Variants in TEAD4 observed in about 807,000 individuals in gnomAD.
TEAD4 encodes the protein transcriptional enhancer factor TEF-3.
In TEAD4, 36 loss-of-function variants were observed where a neutral mutation model predicts 52.4. The ratio of observed to expected loss-of-function variants is 0.69; its 90% confidence interval spans 0.53 to 0.91. TEAD4 has a LOEUF of 0.91. TEAD4 is among the 40% of genes least tolerant of loss of function. The pLI is 0.00. For missense variants in TEAD4, 508 were observed against 583.9 expected, an observed-to-expected ratio of 0.87 and a Z score of 1.34; for synonymous variants, 220 against 231.0, an observed-to-expected ratio of 0.95 and a Z score of 0.43.
chr12:3,012,045 C>G (rs2098260743), intron 4 of TEAD4, 125 bp from the exon 5 acceptor site: 1 of 844,528 alleles, frequency 1.2e-6, no homozygotes, highest in Admixed American at 2.6e-5. Flanking sequence ...TTGACCCTTT[C>G]ATTCATTCAT....
chr12:2,964,123 G>T (rs529106118), intron 2 of TEAD4, among the ~76,000 whole-genome samples: 1 of 152,304 alleles, frequency 6.6e-6, no homozygotes, highest in South Asian at 2.1e-4. Context: ...TCCAAAGGGG[G>T]CCGTTGACTC....
intron 10 of TEAD4, among the ~76,000 whole-genome samples, chr12:3,034,062 C>G (rs544555480): frequency 4.0e-5 from 6 of 151,490 alleles, no homozygotes; most frequent in African/African-American, 1.2e-4. Flanking sequence ...ACCCATTGCT[C>G]AACCCTAGCA....
At chr12:3,029,428 C>T (rs547321933) in intron 10 of TEAD4, among the ~76,000 whole-genome samples, 162 of 152,044 alleles carry the variant, frequency 1.1e-3, no homozygotes, top group Non-Finnish European at 1.6e-4. Context: ...TTAGTAGAGA[C>T]GGGGTTTCAC....
intron 3 of TEAD4, among the ~76,000 whole-genome samples, chr12:3,007,109 C>G (rs578172921): frequency 6.6e-6 from 1 of 152,336 alleles, no homozygotes; most frequent in East Asian, 1.9e-4. Context: ...AGCCTCTCGC[C>G]GGGGGCTGAG....
In TEAD4 at chr12:3,022,005, T is replaced by C; in HGVS notation, c.885T>C (p.Leu295=). 6.2e-7 allele frequency: 1 copy of C among 1,614,132 alleles called. No homozygotes were observed. Among genetic ancestry groups the C allele is most frequent in the Non-Finnish European group, 8.5e-7 (1 of 1,179,984 alleles). Reference sequence around the variant, plus strand: ...GGGGACCCTCCAATGCCTTTTTTCTTGTGAAGTTCTGGGTAAGCCTGTGAT... The same window carrying C: ...GGGGACCCTCCAATGCCTTTTTTCTCGTGAAGTTCTGGGTAAGCCTGTGAT... The change falls in exon 10 of 13, where the codon CTT becomes CTC. Residue 295 remains leucine (L), a synonymous_variant. Transcript: ENST00000359864.
In TEAD4 at chr12:3,040,409, C is replaced by T. The variant is rs1370401149; in HGVS notation, c.1236C>T (p.Ala412=). ...CACAGGAGACCTTGCTGTGCATTGC[C>T]TATGTCTTTGAGGTGTCAGCCAGTG... Residue 412 remains alanine (A), a synonymous_variant, in exon 13 of 13, where the codon GCC becomes GCT. Transcript: ENST00000359864. 1.2e-6 allele frequency: 2 copies of T among 1,614,198 alleles called. No individual in the cohort carries two copies. The highest frequency in any genetic ancestry group is 2.2e-5 in the South Asian group (2 of 91,084).
chr12:2,969,373 G>A (rs921009925), intron 2 of TEAD4, among the ~76,000 whole-genome samples: 14 of 152,200 alleles, frequency 9.2e-5, no homozygotes, highest in Admixed American at 2.6e-4. Context: ...TTATATGAGG[G>A]ACTTGAGCAT....
At chr12:3,035,995 A>G (rs993184863) in intron 10 of TEAD4, among the ~76,000 whole-genome samples, 3 of 152,064 alleles carry the variant, frequency 2.0e-5, no homozygotes, top group Admixed American at 6.6e-5. Flanking sequence ...CACCCTGCCT[A>G]CAATGTGTCA....
chr12:3,015,910 G>A (rs2098264142), intron 5 of TEAD4, among the ~76,000 whole-genome samples: 2 of 152,136 alleles, frequency 1.3e-5, no homozygotes, highest in South Asian at 4.1e-4. Context: ...TGGGGGCGGT[G>A]GCTCATGCCT....
chr12:3,017,129 A>G (rs1483127215), intron 5 of TEAD4: 5 of 617,188 alleles, frequency 8.1e-6, no homozygotes, highest in East Asian at 3.4e-5. Flanking sequence ...CCCGTAATTA[A>G]TAAAATGACA....
At chr12:2,965,764 T>G (rs936662769) in intron 2 of TEAD4, among the ~76,000 whole-genome samples, 1 of 152,100 alleles carries the variant, frequency 6.6e-6, no homozygotes, top group African/African-American at 2.4e-5. Context: ...CAGGATGGTC[T>G]TGATCTCTCT....
intron 2 of TEAD4, among the ~76,000 whole-genome samples, chr12:2,984,146 A>G (rs74054814): frequency 7.2e-4 from 109 of 152,288 alleles, no homozygotes; most frequent in African/African-American, 2.6e-3. Context: ...GGTGGGTTCA[A>G]AGAAGGAAGT....
intron 3 of TEAD4, among the ~76,000 whole-genome samples, chr12:3,010,399 G>A (rs543321829): frequency 3.3e-5 from 5 of 152,226 alleles, no homozygotes; most frequent in South Asian, 4.1e-4. Flanking sequence ...CTTGTTGAGG[G>A]GTCTGAGTCA....
chr12:3,018,971 G>A (rs2098266627), intron 7 of TEAD4, 144 bp from the exon 8 acceptor site: 2 of 983,072 alleles, frequency 2.0e-6, no homozygotes, highest in Non-Finnish European at 3.1e-6. Context: ...GAGTCGGCAG[G>A]GGCGGGAGTA....
At chr12:3,034,109 T>C (rs925528327) in intron 10 of TEAD4, among the ~76,000 whole-genome samples, 1 of 151,416 alleles carries the variant, frequency 6.6e-6, no homozygotes, top group African/African-American at 2.5e-5. Flanking sequence ...ATAAATTCCC[T>C]GAGAGCAGAA....
In TEAD4 at chr12:3,012,211, C is replaced by T. The variant is rs112112805; in HGVS notation, c.333C>T (p.Arg111=). The stretch of plus-strand genomic sequence containing the variant: ...AGGTGCTGGCTCGTCGCAAAGCTCG[C>T]GAGATCCAGGCCAAGCTAAAGGTAA... The change falls in exon 5 of 13, where the codon CGC becomes CGT. Residue 111 remains arginine, a synonymous_variant. Transcript: ENST00000359864. 7.5e-5 allele frequency: 121 copies of T among 1,614,040 alleles called. No homozygotes were observed. The East Asian group carries it at 1.3e-3, about 18-fold the overall frequency.
At chr12:3,037,854 G>A in intron 10 of TEAD4, 114 bp from the exon 11 acceptor site, 1 of 1,313,208 alleles carries the variant, frequency 7.6e-7, no homozygotes, top group Non-Finnish European at 1.0e-6. Flanking sequence ...TCTACCCTCA[G>A]TCTGATTTCT....
intron 3 of TEAD4, among the ~76,000 whole-genome samples, chr12:3,006,247 C>T (rs1441310182): frequency 6.6e-6 from 1 of 152,022 alleles, no homozygotes; most frequent in Non-Finnish European, 1.5e-5. Context: ...CTCGTTGGAC[C>T]GTTTTGGATT....
chr12:3,039,308 TCCACTTGGG>T lies in TEAD4; in HGVS notation c.1039-797_1039-789del, dbSNP rs536601510. 9.2e-5 allele frequency among the ~76,000 whole-genome samples: 14 copies of T among 152,358 alleles called. 1 individual carries two copies. The East Asian group carries it at 2.7e-3, about 29-fold the overall frequency. On this transcript the variant is annotated intron_variant, in intron 11 of 12. Coordinates refer to ENST00000359864, the MANE Select transcript of TEAD4 (RefSeq NM_003213.4). ...GTAAAACTTTTGAGATAATGGTGGA[TCCACTTGGG>T]CTCATAATCCCATGTGCGCTTTACC...
Sources: allele counts gnomAD v4.1 joint callset (sites outside exome capture counted in the v4.1 genomes callset), GRCh38; gene constraint gnomAD v4.1.1; transcripts MANE v1.5; gene names NCBI Gene and HGNC (gene_info 2026-07-23, HGNC 2026-07-21).